The following KIAA0319L variants were observed in gnomAD, a reference collection of about 807,000 sequenced individuals.
KIAA0319L encodes the protein KIAA0319 like.
KIAA0319L carries 55 observed loss-of-function variants against 120.1 expected under a neutral mutation model. That is an observed-to-expected ratio of 0.46 (90% CI 0.37 to 0.57). The LOEUF is 0.57. Ranked by LOEUF, KIAA0319L falls within the 20% of genes least tolerant of loss-of-function variation. KIAA0319L has a pLI of 0.00. For synonymous variants in KIAA0319L, 398 were observed against 471.9 expected (o/e 0.84, Z 2.03); for missense variants, 1,049 against 1,255.3 (o/e 0.84, Z 2.48).
chr1:35,547,947 C>G (rs1040964983), intron 2 of KIAA0319L, among the ~76,000 whole-genome samples: 3 of 151,970 alleles, frequency 2.0e-5, no homozygotes, highest in Non-Finnish European at 4.4e-5. Flanking sequence ...ATGGCAAAAC[C>G]CCATCTCTAC....
chr1:35,541,641 C>T lies in KIAA0319L; in HGVS notation c.142+12709G>A, dbSNP rs558687262. On this transcript the variant is annotated intron_variant, in intron 2 of 20. Transcript: ENST00000325722. ...CTGGGATTATAGGTGTGAGCCACCG[C>T]GCCCAGCCTACAAACTACTTCTAAC... Among the ~76,000 whole-genome samples the T allele has an allele frequency of 4.6e-5, 7 of 152,266 alleles. No homozygotes were observed. The East Asian group carries it at 7.7e-4, about 17-fold the overall frequency.
intron 2 of KIAA0319L, among the ~76,000 whole-genome samples, chr1:35,536,111 G>C (rs780899983): frequency 7.2e-5 from 11 of 152,196 alleles, no homozygotes; most frequent in Non-Finnish European, 1.0e-4. Flanking sequence ...AGAGAGAAAA[G>C]TAAAGTTCCT....
At chr1:35,513,284 ATATATTT>A (rs1403495360) in intron 2 of KIAA0319L, among the ~76,000 whole-genome samples, 5 of 103,232 alleles carry the variant, frequency 4.8e-5, no homozygotes, top group African/African-American at 2.0e-4. Flanking sequence ...ATATATATAT[ATATATTT>A]TTTTTTTTTT....
chr1:35,527,886 G>A (rs1446290852), intron 2 of KIAA0319L, among the ~76,000 whole-genome samples: 1 of 142,546 alleles, frequency 7.0e-6, no homozygotes, highest in Non-Finnish European at 1.5e-5. Flanking sequence ...TTTCTGCTCT[G>A]ATCTTCATTA....
intron 2 of KIAA0319L, chr1:35,510,379 C>CT (rs1045797495): frequency 0.011 from 1,429 of 136,080 alleles, 14 homozygotes; most frequent in African/African-American, 0.025. Flanking sequence ...ACAGCCCTTT[C>CT]TTTTTTTTTT....
chr1:35,553,836 T>TA (rs994696414), intron 2 of KIAA0319L, among the ~76,000 whole-genome samples: 1 of 152,190 alleles, frequency 6.6e-6, no homozygotes, highest in Non-Finnish European at 1.5e-5. Context: ...AAGCATAGTC[T>TA]AAAAAATCTA....
At chr1:35,488,854 A>G (rs1644483872) in intron 3 of KIAA0319L, among the ~76,000 whole-genome samples, 1 of 152,236 alleles carries the variant, frequency 6.6e-6, no homozygotes, top group African/African-American at 2.4e-5. Flanking sequence ...TGGCAAGAGT[A>G]GCTTCAGTGG....
At chr1:35,534,749 C>T (rs541081386) in intron 2 of KIAA0319L, among the ~76,000 whole-genome samples, 292 of 150,582 alleles carry the variant, frequency 1.9e-3, no homozygotes, top group African/African-American at 6.7e-3. Context: ...ATCCCAGCTA[C>T]TCAGGAGGCT....
chr1:35,509,178 T>C (rs957870863), intron 2 of KIAA0319L, among the ~76,000 whole-genome samples: 1 of 151,906 alleles, frequency 6.6e-6, no homozygotes, highest in Admixed American at 6.6e-5. Context: ...GAGTTCAGGG[T>C]GACTGGTAGT....
intron 12 of KIAA0319L, 81 bp from the exon 13 acceptor site, chr1:35,451,857 C>G: frequency 2.1e-6 from 3 of 1,434,338 alleles, no homozygotes; most frequent in Non-Finnish European, 2.9e-6. Flanking sequence ...GAGACAATGA[C>G]TCCCTCAGCA....
rs369237629 is a variant in KIAA0319L at position 35,460,475 on chromosome 1, G to A, written c.1295-38C>T. 58 of 1,603,094 alleles carry A rather than the reference G, an allele frequency of 3.6e-5. 1 individual carries two copies. Among genetic ancestry groups the A allele is most frequent in the South Asian group, 8.9e-5 (8 of 89,776 alleles). On this transcript the variant is annotated intron_variant, in intron 8 of 20. Transcript: ENST00000325722. ...GAAACATCAGTTACAACATGAGAAC[G>A]CTTGGTCTTAGCACTTATCCAGTTT...
At chr1:35,441,231 TG>T (rs1641193635) in intron 19 of KIAA0319L, 93 bp from the exon 20 acceptor site, 2 of 1,070,070 alleles carry the variant, frequency 1.9e-6, no homozygotes, top group Middle Eastern at 4.1e-4. Context: ...CCTATTTTGG[TG>T]GGGCACCTAC....
At chr1:35,478,667 T>C (rs565096013) in intron 4 of KIAA0319L, among the ~76,000 whole-genome samples, 1 of 152,370 alleles carries the variant, frequency 6.6e-6, no homozygotes, top group African/African-American at 2.4e-5. Flanking sequence ...TCCAAATCTT[T>C]CTTCCCAGTA....
chr1:35,541,090 C>T (rs1287875251), intron 2 of KIAA0319L, among the ~76,000 whole-genome samples: 1 of 151,982 alleles, frequency 6.6e-6, no homozygotes, highest in Non-Finnish European at 1.5e-5. Flanking sequence ...CACAGATGCA[C>T]ACTATCAAGC....
chr1:35,458,830 C>T (rs1355127701), intron 9 of KIAA0319L, among the ~76,000 whole-genome samples: 1 of 152,194 alleles, frequency 6.6e-6, no homozygotes, highest in Non-Finnish European at 1.5e-5. Context: ...AAAATTCCGA[C>T]ATTAGAAATC....
chr1:35,487,333 C>A (rs1446691270), intron 3 of KIAA0319L, among the ~76,000 whole-genome samples: 4 of 152,058 alleles, frequency 2.6e-5, no homozygotes, highest in Non-Finnish European at 4.4e-5. Flanking sequence ...CAGCTCACTG[C>A]AACCTCTGCC....
intron 20 of KIAA0319L, among the ~76,000 whole-genome samples, chr1:35,436,132 C>T (rs1640771349): frequency 6.6e-6 from 1 of 152,206 alleles, no homozygotes; most frequent in African/African-American, 2.4e-5. Flanking sequence ...GGATCCAGAT[C>T]TCCCTCACAT....
intron 19 of KIAA0319L, 55 bp from the exon 20 acceptor site, chr1:35,441,193 G>A: frequency 1.3e-6 from 2 of 1,520,190 alleles, no homozygotes; most frequent in Non-Finnish European, 1.8e-6. Flanking sequence ...GGGAGGATGA[G>A]GATGAGAGCC....
chr1:35,504,049 C>T (rs565396615), intron 3 of KIAA0319L, among the ~76,000 whole-genome samples: 4 of 151,832 alleles, frequency 2.6e-5, no homozygotes, highest in African/African-American at 9.7e-5. Context: ...CCTCACCTCG[C>T]TAATTTTTGT....
Sources: allele counts gnomAD v4.1 joint callset (sites outside exome capture counted in the v4.1 genomes callset), GRCh38; gene constraint gnomAD v4.1.1; transcripts MANE v1.5; gene names NCBI Gene and HGNC (gene_info 2026-07-23, HGNC 2026-07-21).